The following GMDS variants were observed in gnomAD, a reference collection of about 807,000 sequenced individuals.
GMDS encodes GDP-mannose 4,6-dehydratase.
Under a neutral mutation model 49.9 loss-of-function variants are expected in GMDS, and 20 were observed. The observed-to-expected ratio is 0.40, with a 90% CI of 0.28 to 0.58. The LOEUF (loss-of-function observed/expected upper bound fraction) is 0.58. Ranked by LOEUF, GMDS falls within the 20% of genes least tolerant of loss-of-function variation. The pLI, the probability that GMDS is intolerant of heterozygous loss-of-function variation, is 0.42. For synonymous variants in GMDS, 177 were observed against 178.6 expected (o/e 0.99, Z 0.07); for missense variants, 362 against 481.4 (o/e 0.75, Z 2.32).
intron 9 of GMDS, among the ~76,000 whole-genome samples, chr6:1,682,376 C>T (rs1275448709): frequency 6.6e-6 from 1 of 152,228 alleles, no homozygotes; most frequent in Non-Finnish European, 1.5e-5. Context: ...GCCTCCACTG[C>T]TACCAAGCTC....
chr6:2,179,416 G>C (rs1162017777), intron 1 of GMDS, among the ~76,000 whole-genome samples: 5 of 152,162 alleles, frequency 3.3e-5, no homozygotes, highest in African/African-American at 4.8e-5. Context: ...GTAGTATTAA[G>C]AGGAAACACC....
chr6:2,172,446 A>G (rs1370563724), intron 1 of GMDS, among the ~76,000 whole-genome samples: 1 of 152,200 alleles, frequency 6.6e-6, no homozygotes, highest in Non-Finnish European at 1.5e-5. Context: ...CAATCCCAGC[A>G]CTTTGGGAGG....
chr6:1,928,114 C>T (rs1291383917), intron 7 of GMDS, among the ~76,000 whole-genome samples: 1 of 152,192 alleles, frequency 6.6e-6, no homozygotes, highest in Non-Finnish European at 1.5e-5. Context: ...AGCCTGTAAT[C>T]CCGGCACTTT....
intron 9 of GMDS, among the ~76,000 whole-genome samples, chr6:1,686,520 T>C (rs149555094): frequency 1.3e-5 from 2 of 152,330 alleles, no homozygotes; most frequent in African/African-American, 4.8e-5. Flanking sequence ...CACGCATCTT[T>C]CTCTGTGTCC....
At chr6:1,985,518 T>C (rs974051701) in intron 4 of GMDS, among the ~76,000 whole-genome samples, 2 of 152,260 alleles carry the variant, frequency 1.3e-5, no homozygotes, top group South Asian at 4.2e-4. Flanking sequence ...ACATCTCTCT[T>C]TAACAATGAC....
At chr6:2,092,654 A>T (rs1335689990) in intron 4 of GMDS, among the ~76,000 whole-genome samples, 2 of 152,210 alleles carry the variant, frequency 1.3e-5, no homozygotes, top group Non-Finnish European at 2.9e-5. Flanking sequence ...GGTACTAGAA[A>T]ATGTAGAGAC....
rs2113737911 is a variant in GMDS at position 1,836,860 on chromosome 6, T to A, written c.771+93243A>T. On this transcript the variant is annotated intron_variant, in intron 7 of 10. Transcript: ENST00000380815. The surrounding 1 kb of genome is among the most constrained non-coding windows in gnomAD (Gnocchi z 4.2). The stretch of plus-strand genomic sequence containing the variant: ...AGAGCAAGAGCTGTCAGGAAAAAGG[T>A]AATGAAGAAGAATAGCTTAGACAGA... Among the ~76,000 whole-genome samples, 1 of 152,322 alleles carries A rather than the reference T, an allele frequency of 6.6e-6. No individual in the cohort carries two copies. The highest frequency in any genetic ancestry group is 2.4e-5 in the African/African-American group (1 of 41,580).
intron 4 of GMDS, among the ~76,000 whole-genome samples, chr6:2,097,633 C>A (rs931030459): frequency 1.3e-5 from 2 of 152,078 alleles, no homozygotes; most frequent in African/African-American, 4.8e-5. Context: ...GAAAGAATTC[C>A]AAGCAATCCA....
intron 9 of GMDS, among the ~76,000 whole-genome samples, chr6:1,719,882 T>C (rs1228876332): frequency 6.6e-6 from 1 of 152,222 alleles, no homozygotes; most frequent in African/African-American, 2.4e-5. Flanking sequence ...ACTTATTTTG[T>C]AGACGTCAAT....
intron 7 of GMDS, among the ~76,000 whole-genome samples, chr6:1,871,578 T>C (rs745308592): frequency 2.0e-5 from 3 of 152,224 alleles, no homozygotes; most frequent in Non-Finnish European, 4.4e-5. Context: ...ATTACTTTTT[T>C]TCATGAAATA....
At chr6:1,710,103 A>G (rs1313518801) in intron 9 of GMDS, among the ~76,000 whole-genome samples, 1 of 152,244 alleles carries the variant, frequency 6.6e-6, no homozygotes, top group Non-Finnish European at 1.5e-5. Flanking sequence ...CTGAAGTCAG[A>G]GCCCGTGCTA....
At chr6:1,716,741 G>A (rs1019115902) in intron 9 of GMDS, among the ~76,000 whole-genome samples, 1 of 152,110 alleles carries the variant, frequency 6.6e-6, no homozygotes, top group African/African-American at 2.4e-5. Context: ...CATTCCCACA[G>A]CACCTCCTGC....
intron 7 of GMDS, among the ~76,000 whole-genome samples, chr6:1,890,393 A>G (rs897671338): frequency 2.0e-5 from 3 of 152,146 alleles, no homozygotes; most frequent in African/African-American, 7.2e-5. Context: ...GGAAATGTCT[A>G]TTTAAGTCTT....
intron 7 of GMDS, among the ~76,000 whole-genome samples, chr6:1,795,914 AC>A (rs1299632402): frequency 5.3e-5 from 8 of 152,334 alleles, no homozygotes; most frequent in Admixed American, 2.6e-4. Context: ...AGTCACAGTG[AC>A]CCAATAAACA....
intron 7 of GMDS, among the ~76,000 whole-genome samples, chr6:1,891,357 G>C (rs1759859788): frequency 6.6e-6 from 1 of 152,196 alleles, no homozygotes; most frequent in Non-Finnish European, 1.5e-5. Context: ...CAGAGAAGAG[G>C]AGTTTAATGT....
intron 9 of GMDS, among the ~76,000 whole-genome samples, chr6:1,653,065 C>T (rs1254985899): frequency 6.6e-6 from 1 of 151,904 alleles, no homozygotes; most frequent in Non-Finnish European, 1.5e-5. Context: ...GGTCCTACTG[C>T]TCGGCAGCCT....
intron 7 of GMDS, among the ~76,000 whole-genome samples, chr6:1,927,450 A>T (rs1477315968): frequency 6.6e-6 from 1 of 152,364 alleles, no homozygotes; most frequent in South Asian, 2.1e-4. Flanking sequence ...CTGTGTGCAC[A>T]TGCTGGCTTG....
At chr6:2,217,250 C>A (rs534976410) in intron 1 of GMDS, among the ~76,000 whole-genome samples, 1 of 152,252 alleles carries the variant, frequency 6.6e-6, no homozygotes, top group Non-Finnish European at 1.5e-5. Context: ...TGCTTCCTGG[C>A]CTGCCCTGCT....
At chr6:1,895,913 C>A (rs973194518) in intron 7 of GMDS, among the ~76,000 whole-genome samples, 1 of 152,182 alleles carries the variant, frequency 6.6e-6, no homozygotes, top group Non-Finnish European at 1.5e-5. Context: ...CTTTCCCTAT[C>A]CATTCTTCTA....
Sources: allele counts gnomAD v4.1 joint callset (sites outside exome capture counted in the v4.1 genomes callset), GRCh38; gene constraint gnomAD v4.1.1; non-coding constraint Gnocchi (gnomAD v3.1); transcripts MANE v1.5; gene names NCBI Gene and HGNC (gene_info 2026-07-23, HGNC 2026-07-21).